Variants in RBFOX3 observed in about 807,000 individuals in gnomAD.
RBFOX3 encodes the protein RNA binding fox-1 homolog 3.
In RBFOX3, 17 loss-of-function variants were observed where a neutral mutation model predicts 48.7. The observed-to-expected ratio is 0.35, with a 90% CI of 0.24 to 0.52. RBFOX3 has a LOEUF of 0.52. Among genes scored for constraint, RBFOX3 ranks in the 20% least tolerant of loss-of-function variants. The probability of loss-of-function intolerance (pLI) is 0.94; values close to 1 mark genes in which losing one functional copy is unlikely to be tolerated. For synonymous variants in RBFOX3, 212 were observed against 209.5 expected (o/e 1.01, Z -0.10); for missense variants, 382 against 497.5 (o/e 0.77, Z 2.21).
intron 3 of RBFOX3, among the ~76,000 whole-genome samples, chr17:79,246,544 A>G (rs2063193313): frequency 6.6e-6 from 1 of 152,240 alleles, no homozygotes; most frequent in Admixed American, 6.5e-5. Flanking sequence ...GACAGAGTTC[A>G]GCAATGATGG....
At chr17:79,216,360 T>C (rs1232028776) in intron 4 of RBFOX3, among the ~76,000 whole-genome samples, 1 of 151,894 alleles carries the variant, frequency 6.6e-6, no homozygotes, top group Non-Finnish European at 1.5e-5. Context: ...GTGGAGACCA[T>C]GGGGACCACG....
At chr17:79,142,474 C>T (rs1040080290) in intron 4 of RBFOX3, among the ~76,000 whole-genome samples, 4 of 152,292 alleles carry the variant, frequency 2.6e-5, no homozygotes, top group Admixed American at 1.3e-4. Flanking sequence ...TTCTCCTTGA[C>T]GAGCCCTCCC....
At chr17:79,100,286 T>C (rs2076172456) in intron 9 of RBFOX3, 2 of 152,174 alleles carry the variant, frequency 1.3e-5, no homozygotes, top group African/African-American at 2.4e-5. Flanking sequence ...CCTATAAAAA[T>C]GTCTACCGCT....
At chr17:79,234,147 A>C (rs2061361834) in intron 4 of RBFOX3, 1 of 152,152 alleles carries the variant, frequency 6.6e-6, no homozygotes, top group Admixed American at 6.5e-5. Context: ...GGTACGGGGG[A>C]CCCTGTTACA....
At chr17:79,402,217 A>G (rs2062898032) in intron 2 of RBFOX3, among the ~76,000 whole-genome samples, 1 of 152,250 alleles carries the variant, frequency 6.6e-6, no homozygotes, top group African/African-American at 2.4e-5. Context: ...GCAGCTGCTC[A>G]AATTTAGTTT....
intron 2 of RBFOX3, among the ~76,000 whole-genome samples, chr17:79,408,296 C>T (rs1212972058): frequency 6.6e-6 from 1 of 152,166 alleles, no homozygotes; most frequent in Non-Finnish European, 1.5e-5. Context: ...GCTTCTTCAC[C>T]CAAGCGAGAC....
At chr17:79,258,159 G>A (rs535473960) in intron 3 of RBFOX3, among the ~76,000 whole-genome samples, 1 of 152,252 alleles carries the variant, frequency 6.6e-6, no homozygotes, top group East Asian at 1.9e-4. Context: ...ACCTATTTCT[G>A]CTTTGCTGCT....
intron 2 of RBFOX3, among the ~76,000 whole-genome samples, chr17:79,384,230 G>A (rs2060289399): frequency 6.6e-6 from 1 of 152,170 alleles, no homozygotes; most frequent in Non-Finnish European, 1.5e-5. Context: ...GGGGACCCCG[G>A]TAAGGGGAGC....
chr17:79,579,304 C>T (rs1467240238), intron 1 of RBFOX3, among the ~76,000 whole-genome samples: 5 of 152,306 alleles, frequency 3.3e-5, no homozygotes, highest in Non-Finnish European at 7.3e-5. Context: ...GCTCTGCTGC[C>T]GGCCGCTGGC....
At chr17:79,398,100 G>A (rs6501301) in intron 2 of RBFOX3, among the ~76,000 whole-genome samples, 8,498 of 152,220 alleles carry the variant, frequency 0.056, 621 homozygotes, top group African/African-American at 0.17. Context: ...CCCAGAGTCA[G>A]GGCTTTGCAG....
intron 3 of RBFOX3, among the ~76,000 whole-genome samples, chr17:79,255,507 G>C (rs2064675487): frequency 6.6e-6 from 1 of 152,152 alleles, no homozygotes; most frequent in Admixed American, 6.5e-5. Context: ...GAACAAGGCT[G>C]TGTCCACCCT....
chr17:79,367,250 CCCT>C (rs886272480), intron 2 of RBFOX3, among the ~76,000 whole-genome samples: 8 of 144,720 alleles, frequency 5.5e-5, no homozygotes, highest in African/African-American at 2.1e-4. Context: ...CTCCCTCCTC[CCCT>C]CCTCCTTTTC....
intron 4 of RBFOX3, among the ~76,000 whole-genome samples, chr17:79,210,986 G>A (rs537862048): frequency 2.0e-5 from 3 of 151,994 alleles, no homozygotes; most frequent in Admixed American, 1.3e-4. Flanking sequence ...ATAAACAGGA[G>A]GAGGTTGCCT....
chr17:79,515,289 C>T (rs1330145014), intron 1 of RBFOX3, among the ~76,000 whole-genome samples: 1 of 152,194 alleles, frequency 6.6e-6, no homozygotes, highest in African/African-American at 2.4e-5. Flanking sequence ...GCTGGGGCCC[C>T]TGGGGGTGTG....
At chr17:79,580,510 G>C (rs890558659) in intron 1 of RBFOX3, among the ~76,000 whole-genome samples, 3 of 151,986 alleles carry the variant, frequency 2.0e-5, no homozygotes, top group Admixed American at 1.3e-4. Context: ...ACTGTTCAGC[G>C]GTGCTCAGTG....
At chr17:79,178,093 C>T (rs1006897804) in intron 4 of RBFOX3, among the ~76,000 whole-genome samples, 20 of 152,332 alleles carry the variant, frequency 1.3e-4, no homozygotes, top group Non-Finnish European at 2.5e-4. Flanking sequence ...GCTTTCTCCT[C>T]GGCCATCACT....
chr17:79,368,787 G>T (rs549136073), intron 2 of RBFOX3, among the ~76,000 whole-genome samples: 68 of 152,286 alleles, frequency 4.5e-4, no homozygotes, highest in African/African-American at 1.6e-3. Flanking sequence ...ACACCATTAG[G>T]GCCATGGAAA....
intron 2 of RBFOX3, among the ~76,000 whole-genome samples, chr17:79,468,986 G>A (rs112999907): frequency 0.14 from 12,453 of 91,038 alleles, 903 homozygotes; most frequent in African/African-American, 0.23. Flanking sequence ...ATGGATGGAT[G>A]GATAGCAGAT....
the RBFOX3 span, among the ~76,000 whole-genome samples, chr17:79,646,482 AG>A: frequency 6.6e-6 from 1 of 152,350 alleles, no homozygotes; most frequent in East Asian, 1.9e-4. Flanking sequence ...GCAAAGGAGA[AG>A]CAAACGCATG....
Sources: allele counts gnomAD v4.1 joint callset (sites outside exome capture counted in the v4.1 genomes callset), GRCh38; gene constraint gnomAD v4.1.1; transcripts MANE v1.5; gene names NCBI Gene and HGNC (gene_info 2026-07-23, HGNC 2026-07-21).